CMKLR1: variants seen among roughly 807,000 people sequenced by gnomAD.
The protein encoded by CMKLR1 is chemerin-like receptor 1.
CMKLR1 carries 6 observed loss-of-function variants against 8.2 expected under a neutral mutation model. The ratio of observed to expected loss-of-function variants is 0.73; its 90% CI spans 0.40 to 1.44. The LOEUF is 1.44. Among genes scored for constraint, CMKLR1 ranks in the 40% most tolerant of loss-of-function variants. CMKLR1 has a pLI of 0.02. For missense variants in CMKLR1, 429 were observed against 478.0 expected (o/e 0.90, Z 0.96); for synonymous variants, 178 against 181.2 (o/e 0.98, Z 0.14).
chr12:108,300,857 T>C (rs924080562), intron 2 of CMKLR1, among the ~76,000 whole-genome samples: 2 of 152,312 alleles, frequency 1.3e-5, no homozygotes, highest in African/African-American at 2.4e-5. Context: ...TGCTGGACAA[T>C]GAGCCAAGGA....
intron 2 of CMKLR1, among the ~76,000 whole-genome samples, chr12:108,306,125 A>AG (rs2137310476): frequency 6.6e-6 from 1 of 152,268 alleles, no homozygotes; most frequent in South Asian, 2.1e-4. Flanking sequence ...AAATCTCAAT[A>AG]GGCTGTTTGC....
intron 2 of CMKLR1, among the ~76,000 whole-genome samples, chr12:108,325,850 G>A (rs543602445): frequency 3.3e-5 from 5 of 152,070 alleles, no homozygotes; most frequent in Non-Finnish European, 7.3e-5. Context: ...CCTGAACAAG[G>A]AGGGGAGGAA....
intron 2 of CMKLR1, among the ~76,000 whole-genome samples, chr12:108,303,307 G>A (rs577657934): frequency 2.6e-5 from 4 of 152,170 alleles, no homozygotes; most frequent in Non-Finnish European, 4.4e-5. Flanking sequence ...CCACACCCCC[G>A]CTGCCGGACC....
chr12:108,308,446 G>T (rs929327895), intron 2 of CMKLR1, among the ~76,000 whole-genome samples: 2 of 152,058 alleles, frequency 1.3e-5, no homozygotes, highest in African/African-American at 2.4e-5. Flanking sequence ...TCTGGTCCAG[G>T]GTAGCCCCGC....
chr12:108,294,361 A>G (rs1891072592), intron 2 of CMKLR1, among the ~76,000 whole-genome samples: 1 of 152,206 alleles, frequency 6.6e-6, no homozygotes, highest in African/African-American at 2.4e-5. Flanking sequence ...TGGCACTTTA[A>G]ACAAGCCCCA....
chr12:108,331,208 T>C (rs945005832), intron 1 of CMKLR1, among the ~76,000 whole-genome samples: 7 of 152,116 alleles, frequency 4.6e-5, no homozygotes, highest in Admixed American at 3.9e-4. Flanking sequence ...ACTCTTACTA[T>C]CTCCTTCCAT....
intron 2 of CMKLR1, among the ~76,000 whole-genome samples, chr12:108,306,605 C>T: frequency 6.6e-6 from 1 of 152,224 alleles, no homozygotes; most frequent in Non-Finnish European, 1.5e-5. Context: ...AGTACACAGA[C>T]CATTTTATTC....
chr12:108,313,606 AG>A (rs1029251080), intron 2 of CMKLR1, among the ~76,000 whole-genome samples: 9 of 152,342 alleles, frequency 5.9e-5, no homozygotes, highest in African/African-American at 2.2e-4. Flanking sequence ...CCAGAAACCA[AG>A]GGGTGTCCTG....
Position 108,292,522 on chromosome 12 carries a change from G to C in CMKLR1, c.441C>G (p.Ser147=), listed in dbSNP as rs765605662. 1 of 1,614,194 alleles carries C rather than the reference G, an allele frequency of 6.2e-7. No individual in the cohort carries two copies. Among genetic ancestry groups the C allele is most frequent in the Admixed American group, 1.7e-5 (1 of 60,026 alleles). ...RCISVLLPVW[S]QNHRSVRLAY... is the part of the protein sequence containing the mutation. ...CCAGGCGAACGCTGCGGTGGTTCTGGGACCAGACAGGGAGGAGCACAGAGA... is the reference window on the plus strand; with the variant it reads ...CCAGGCGAACGCTGCGGTGGTTCTGCGACCAGACAGGGAGGAGCACAGAGA... Residue 147 remains serine, a synonymous_variant, in exon 4 of 4, where the codon TCC becomes TCG. Transcript: ENST00000550402.
intron 2 of CMKLR1, among the ~76,000 whole-genome samples, chr12:108,322,404 A>G (rs1338622211): frequency 6.6e-6 from 1 of 152,134 alleles, no homozygotes; most frequent in Non-Finnish European, 1.5e-5. Flanking sequence ...TTCCACCATC[A>G]CAGCTTTAAA....
rs1566016532 is a variant in CMKLR1, at chr12:108,291,930, A to G, written c.1033T>C (p.Ser345Pro). The G allele has an allele frequency of 4.3e-6, 7 of 1,614,182 alleles. No homozygotes were observed. Among genetic ancestry groups the G allele is most frequent in the Non-Finnish European group, 5.1e-6 (6 of 1,180,032 alleles). ...VNALSEDTGH[S>P]SYPSHRSFTK... The stretch of plus-strand genomic sequence containing the variant: ...AAGCTTCTATGGCTGGGGTAGGAAG[A>G]GTGGCCTGTATCTTCACTTAGAGCA... Residue 345 changes from serine to proline, a missense_variant, in exon 4 of 4, where the codon TCT (serine) becomes CCT (proline). Physicochemically the swap from Ser to Pro is moderately conservative, Grantham distance 74. Transcript: ENST00000550402.
At chr12:108,301,232 C>T (rs775387495) in intron 2 of CMKLR1, among the ~76,000 whole-genome samples, 4 of 151,914 alleles carry the variant, frequency 2.6e-5, no homozygotes, top group Admixed American at 2.6e-4. Flanking sequence ...CATCCCACCA[C>T]GCCCAGCTAA....
At chr12:108,319,102 C>T (rs150210390) in intron 2 of CMKLR1, among the ~76,000 whole-genome samples, 1 of 152,334 alleles carries the variant, frequency 6.6e-6, no homozygotes, top group Non-Finnish European at 1.5e-5. Flanking sequence ...GAGCCTTTGT[C>T]TCCCTCTTCC....
intron 1 of CMKLR1, among the ~76,000 whole-genome samples, chr12:108,334,382 T>G (rs759166509): frequency 1.8e-4 from 27 of 152,240 alleles, no homozygotes; most frequent in Non-Finnish European, 3.5e-4. Flanking sequence ...ACCCACTATG[T>G]GGCCAGCCCA....
chr12:108,299,781 G>T (rs1340978056), intron 2 of CMKLR1, among the ~76,000 whole-genome samples: 1 of 152,184 alleles, frequency 6.6e-6, no homozygotes, highest in Non-Finnish European at 1.5e-5. Context: ...AGGCAAGGAA[G>T]TATCCTCCCC....
At chr12:108,336,549 G>GA (rs771587283) in intron 1 of CMKLR1, among the ~76,000 whole-genome samples, 332 of 136,802 alleles carry the variant, frequency 2.4e-3, no homozygotes, top group Middle Eastern at 3.7e-3. Flanking sequence ...CCATCTCCAG[G>GA]AAAAAAAAAA....
chr12:108,305,420 C>G lies in CMKLR1; in HGVS notation c.-73-11756G>C, dbSNP rs191518909. On this transcript the variant is annotated intron_variant, in intron 2 of 3. Coordinates refer to ENST00000550402, the MANE Select transcript of CMKLR1 (RefSeq NM_001142343.2). ...GAAATGTAATGAGGCGGGCCAGTCA[C>G]CACTCTTGCCCTCAAAAATGTCTCT... is the stretch of plus-strand genomic sequence containing the variant. Among the ~76,000 whole-genome samples the G allele has an allele frequency of 1.9e-3, 290 of 152,318 alleles. 1 individual carries two copies. The highest frequency in any genetic ancestry group is 3.3e-3 in the South Asian group (16 of 4,822).
chr12:108,337,988 G>A (rs533935034), intron 1 of CMKLR1, among the ~76,000 whole-genome samples: 1 of 152,160 alleles, frequency 6.6e-6, no homozygotes, highest in African/African-American at 2.4e-5. Flanking sequence ...GGGAAGTTGA[G>A]GGCTTTCCCT....
chr12:108,304,071 C>T (rs1566021369), intron 2 of CMKLR1, among the ~76,000 whole-genome samples: 1 of 152,198 alleles, frequency 6.6e-6, no homozygotes, highest in Non-Finnish European at 1.5e-5. Context: ...AGTAGCTTGC[C>T]TCACACCTGC....
Sources: gnomAD v4.1 joint callset for allele counts (sites outside exome capture counted in the v4.1 genomes callset) on GRCh38, gnomAD v4.1.1 for gene constraint, MANE v1.5 for transcripts, NCBI Gene and HGNC (gene_info 2026-07-23, HGNC 2026-07-21) for gene names.